The following ARL6 variants were observed in gnomAD, a reference collection of about 807,000 sequenced individuals.
ARL6 encodes ARF like GTPase 6.
In ARL6, 18 loss-of-function variants were observed where a neutral mutation model predicts 27.1. The ratio of observed to expected loss-of-function variants is 0.66; its 90% CI spans 0.46 to 0.98. The LOEUF is 0.98. ARL6 is among the 50% of genes least tolerant of loss of function. The pLI, the probability that ARL6 is intolerant of heterozygous loss-of-function variation, is 0.00. For synonymous variants in ARL6, 65 were observed against 72.3 expected, an observed-to-expected ratio of 0.90 and a Z score of 0.51; for missense variants, 187 against 214.9, an observed-to-expected ratio of 0.87 and a Z score of 0.81.
At chr3:97,779,918 TTGG>T in intron 2 of ARL6, among the ~76,000 whole-genome samples, 1 of 152,100 alleles carries the variant, frequency 6.6e-6, no homozygotes, top group South Asian at 2.1e-4. Context: ...GCTTATGTCC[TTGG>T]TAGCATGCCA....
At chr3:97,771,748 A>G (rs992984857) in intron 2 of ARL6, among the ~76,000 whole-genome samples, 3 of 152,058 alleles carry the variant, frequency 2.0e-5, no homozygotes, top group Non-Finnish European at 4.4e-5. Context: ...TCATAAAGAG[A>G]TGTTGAATTT....
At chr3:97,777,279 C>T (rs2036955242) in intron 2 of ARL6, among the ~76,000 whole-genome samples, 1 of 152,046 alleles carries the variant, frequency 6.6e-6, no homozygotes, top group African/African-American at 2.4e-5. Context: ...TTGGTGTATC[C>T]TTGAACTGTC....
chr3:97,788,466 T>G (rs78186294), intron 6 of ARL6, among the ~76,000 whole-genome samples: 5,917 of 152,166 alleles, frequency 0.039, 177 homozygotes, highest in Non-Finnish European at 0.061. Context: ...CCCCCTCCTT[T>G]GAATCATTTT....
chr3:97,775,404 T>C (rs1396745081), intron 2 of ARL6, among the ~76,000 whole-genome samples: 2 of 151,680 alleles, frequency 1.3e-5, no homozygotes, highest in Non-Finnish European at 2.9e-5. Flanking sequence ...GCAGGAAGCA[T>C]CCAGCACGGT....
intron 3 of ARL6, 148 bp from the exon 4 acceptor site, chr3:97,780,467 A>G (rs2037136385): frequency 6.7e-6 from 5 of 749,146 alleles, no homozygotes; most frequent in African/African-American, 5.3e-5. Flanking sequence ...ATATTAATAC[A>G]TTTATTTCAT....
In ARL6 at chr3:97,801,192, T is replaced by A. The variant is rs2038242356; in HGVS notation, c.*3143T>A. On this transcript the variant is annotated 3_prime_UTR_variant, in exon 8 of 8. Coordinates refer to ENST00000463745, the MANE Select transcript of ARL6 (RefSeq NM_001278293.3). Reference sequence around the variant, plus strand: ...GACTGGTATTACAAGGTCACCTAAATAAATAGGTTTGTGTACGTCTGCGAC... The same window carrying A: ...GACTGGTATTACAAGGTCACCTAAAAAAATAGGTTTGTGTACGTCTGCGAC... 6.6e-6 allele frequency: 1 copy of A among 152,202 alleles called. No individual in the cohort carries two copies. Among genetic ancestry groups the A allele is most frequent in the Non-Finnish European group, 1.5e-5 (1 of 68,036 alleles). The allele number at this position is 152,202 out of a possible 1,614,324, so 9.4% of individuals were successfully genotyped here.
chr3:97,775,348 C>T (rs1254365008), intron 2 of ARL6, among the ~76,000 whole-genome samples: 3 of 152,110 alleles, frequency 2.0e-5, no homozygotes, highest in Non-Finnish European at 4.4e-5. Context: ...GCAAGGAAAC[C>T]GGTCCGAGTC....
intron 7 of ARL6, among the ~76,000 whole-genome samples, chr3:97,795,591 CA>C (rs2108103188): frequency 6.6e-6 from 1 of 152,210 alleles, no homozygotes; most frequent in African/African-American, 2.4e-5. Flanking sequence ...AATATTTGAT[CA>C]GTGTTGAATT....
At chr3:97,766,427 G>C (rs1408868323) in intron 1 of ARL6, among the ~76,000 whole-genome samples, 3 of 152,174 alleles carry the variant, frequency 2.0e-5, no homozygotes, top group Admixed American at 1.3e-4. Context: ...GAGAAAAGCA[G>C]ATTGAAGTGG....
At chr3:97,784,806 A>G (rs2037368819) in intron 4 of ARL6, 149 bp from the exon 5 acceptor site, 1 of 564,506 alleles carries the variant, frequency 1.8e-6, no homozygotes, top group Non-Finnish European at 3.2e-6. Flanking sequence ...AGTCATATAA[A>G]CTAATAAGAA....
rs2038096956 is a variant in ARL6, at chr3:97,798,287, G to T, written c.*238G>T. ...TAGAATTATCAAGTTCTTAGTGAAG[G>T]TCTACATTTGATTGTACGTAGAATG... On this transcript the variant is annotated 3_prime_UTR_variant, in exon 8 of 8. Coordinates refer to ENST00000463745, the MANE Select transcript of ARL6 (RefSeq NM_001278293.3). The T allele has an allele frequency of 4.2e-6, 2 of 476,664 alleles. No individual in the cohort carries two copies. Among genetic ancestry groups the T allele is most frequent in the African/African-American group, 1.9e-5 (1 of 51,622 alleles). The allele number at this position is 476,664 out of a possible 1,614,324, so 29.5% of individuals were successfully genotyped here.
At chr3:97,794,592 C>T (rs2037911460) in intron 7 of ARL6, among the ~76,000 whole-genome samples, 1 of 151,926 alleles carries the variant, frequency 6.6e-6, no homozygotes, top group South Asian at 2.1e-4. Context: ...TGAAAAGAGA[C>T]AAAAATCTAT....
chr3:97,786,188 T>C (rs1407925841), intron 5 of ARL6, among the ~76,000 whole-genome samples: 1 of 151,964 alleles, frequency 6.6e-6, no homozygotes, highest in Admixed American at 6.6e-5. Flanking sequence ...CCATCTCTAC[T>C]AAAAATACAG....
At chr3:97,794,370 G>A (rs1052742442) in intron 7 of ARL6, among the ~76,000 whole-genome samples, 5 of 152,000 alleles carry the variant, frequency 3.3e-5, no homozygotes, top group Middle Eastern at 3.4e-3. Flanking sequence ...CTGCCACCAT[G>A]CCCAGCTAAT....
chr3:97,795,483 A>C (rs545207755), intron 7 of ARL6, among the ~76,000 whole-genome samples: 2 of 152,248 alleles, frequency 1.3e-5, no homozygotes, highest in South Asian at 2.1e-4. Context: ...CTCATTCCCA[A>C]CTCTCACTAA....
chr3:97,770,254 T>A (rs2036577564), intron 2 of ARL6, among the ~76,000 whole-genome samples: 1 of 152,094 alleles, frequency 6.6e-6, no homozygotes, highest in Non-Finnish European at 1.5e-5. Flanking sequence ...AATATCTCAT[T>A]GTAGTTTGAT....
intron 7 of ARL6, among the ~76,000 whole-genome samples, chr3:97,796,731 A>C (rs1366608058): frequency 6.6e-6 from 1 of 152,184 alleles, no homozygotes; most frequent in Admixed American, 6.6e-5. Flanking sequence ...AAGCTTCCTG[A>C]GGAAAAAAAG....
chr3:97,780,715 A>G, intron 4 of ARL6, 32 bp downstream of exon 4: 1 of 1,523,514 alleles, frequency 6.6e-7, no homozygotes, highest in Middle Eastern at 1.7e-4. Flanking sequence ...GCTTAACTAG[A>G]TGGTTTTTAC....
In ARL6 at chr3:97,765,591, A is replaced by G. The variant is rs191547062; in HGVS notation, c.-28+614A>G. On this transcript the variant is annotated intron_variant, in intron 1 of 7. Transcript: ENST00000463745. ...GAAGATTGGAGCCAGATTGTGGACAACCTTAAAAGCTGTGCTTGGAAGTTT... is the reference window on the plus strand; with the variant it reads ...GAAGATTGGAGCCAGATTGTGGACAGCCTTAAAAGCTGTGCTTGGAAGTTT... Among the ~76,000 whole-genome samples the G allele has an allele frequency of 1.5e-3, 234 of 152,326 alleles. 1 individual carries two copies. The highest frequency in any genetic ancestry group is 5.3e-3 in the African/African-American group (221 of 41,568).
Sources: gnomAD v4.1 joint callset for allele counts (sites outside exome capture counted in the v4.1 genomes callset) on GRCh38, gnomAD v4.1.1 for gene constraint, MANE v1.5 for transcripts, NCBI Gene and HGNC (gene_info 2026-07-23, HGNC 2026-07-21) for gene names.